ERICH6B: variants seen among roughly 807,000 people sequenced by gnomAD.
ERICH6B encodes glutamate rich 6B, also known as glutamate-rich protein 6B.
In ERICH6B, 69 loss-of-function variants were observed where a neutral mutation model predicts 80.0. The observed-to-expected ratio is 0.86, with a 90% CI of 0.71 to 1.05. The LOEUF (loss-of-function observed/expected upper bound fraction) is 1.05. Among genes scored for constraint, ERICH6B ranks in the 50% least tolerant of loss-of-function variants. The pLI is 0.00. For missense variants in ERICH6B, 754 were observed against 796.1 expected (o/e 0.95, Z 0.64); for synonymous variants, 283 against 291.9 (o/e 0.97, Z 0.31).
At chr13:45,583,753 C>T (rs1369940621) in intron 5 of ERICH6B, among the ~76,000 whole-genome samples, 13 of 152,212 alleles carry the variant, frequency 8.5e-5, no homozygotes, top group Non-Finnish European at 5.9e-5. Flanking sequence ...TCAGTTCTCT[C>T]TCTTGCCTGC....
At chr13:45,581,450 T>C (rs60486363) in intron 5 of ERICH6B, among the ~76,000 whole-genome samples, 26,846 of 152,118 alleles carry the variant, frequency 0.18, 4,545 homozygotes, top group African/African-American at 0.44. Flanking sequence ...GATCTCCGCT[T>C]ACTGCAACCT....
rs1309431174 is a variant in ERICH6B, at chr13:45,549,997, T to C, written c.1542A>G (p.Lys514=). The C allele has an allele frequency of 2.6e-6, 4 of 1,551,862 alleles. No individual in the cohort carries two copies. In the African/African-American group the frequency reaches 5.5e-5, roughly 21 times the overall value. ...CTTCCAGAATGATGTATGTGAACTT[T>C]TTCATTTTCGCATATAAGATGAGCA... The part of the protein sequence containing the change: ...LAMLILYAKM[K]KFTYIILEDS... The change falls in exon 13 of 15, where the codon AAA becomes AAG. Residue 514 remains lysine, a synonymous_variant. Coordinates refer to ENST00000298738, the MANE Select transcript of ERICH6B (RefSeq NM_182542.3).
rs1170361100 is a variant in ERICH6B at position 45,568,426 on chromosome 13, ACTGT to A, written c.1072_1075del (p.Thr358TyrfsTer5). 1 of 1,547,550 alleles carries A rather than the reference ACTGT, an allele frequency of 6.5e-7. No individual in the cohort carries two copies. The highest frequency in any genetic ancestry group is 1.4e-5 in the African/African-American group (1 of 72,842). ...CATTTCTTTGATTATTGTTTTAAAT[ACTGT>A]CTGATAGGAGCTGTTCAAAAACTAC... On this transcript the variant is annotated frameshift_variant, in exon 9 of 15. Transcript: ENST00000298738. LOFTEE classifies it high-confidence loss of function.
intron 7 of ERICH6B, among the ~76,000 whole-genome samples, chr13:45,577,024 T>G (rs1294678302): frequency 6.6e-6 from 1 of 152,082 alleles, no homozygotes; most frequent in African/African-American, 2.4e-5. Flanking sequence ...AGTCACTCCA[T>G]GAGAGGATGG....
intron 5 of ERICH6B, 63 bp from the exon 6 acceptor site, chr13:45,580,728 A>G: frequency 2.0e-6 from 3 of 1,486,814 alleles, no homozygotes; most frequent in Non-Finnish European, 2.8e-6. Flanking sequence ...CAGTGGGTTC[A>G]TACTGGGTAT....
chr13:45,595,277 G>A (rs1876315896), intron 3 of ERICH6B, among the ~76,000 whole-genome samples: 1 of 152,226 alleles, frequency 6.6e-6, no homozygotes, highest in Non-Finnish European at 1.5e-5. Flanking sequence ...GTCAGTAATA[G>A]GAGATTGATT....
At position 45,596,928 on chromosome 13, in the gene ERICH6B, G is replaced by T; in HGVS notation, c.78C>A (p.Asn26Lys). 1 of 1,551,786 alleles carries T rather than the reference G, an allele frequency of 6.4e-7. No individual in the cohort carries two copies. Among genetic ancestry groups the T allele is most frequent in the Admixed American group, 2.0e-5 (1 of 51,006 alleles). The change falls in exon 3 of 15, where the codon AAC becomes AAA. Residue 26 changes from asparagine (N) to lysine (K), a missense_variant. Physicochemically the swap from Asn to Lys is moderately conservative, Grantham distance 94. Transcript: ENST00000298738. ...CAGTATCCTCTTTCTCTGAAGGCAA[G>T]TTCTGTGTGGAATATTGGGGAGTTG... ...PPTTPQYSTQ[N>K]LPSEKEDTEV...
At chr13:45,612,633 C>T (rs1949906196) in intron 1 of ERICH6B, among the ~76,000 whole-genome samples, 1 of 152,158 alleles carries the variant, frequency 6.6e-6, no homozygotes, top group Non-Finnish European at 1.5e-5. Flanking sequence ...CCCCATGTGA[C>T]AGCCTTTTCT....
At chr13:45,570,363 T>A (rs1875102066) in intron 8 of ERICH6B, among the ~76,000 whole-genome samples, 1 of 152,174 alleles carries the variant, frequency 6.6e-6, no homozygotes, top group African/African-American at 2.4e-5. Context: ...TTTGGGAGGC[T>A]GAGGCGGGTG....
chr13:45,607,771 C>G (rs1949876797), intron 1 of ERICH6B, among the ~76,000 whole-genome samples, 156 bp from the exon 2 acceptor site: 1 of 152,132 alleles, frequency 6.6e-6, no homozygotes, highest in Admixed American at 6.5e-5. Context: ...TGGTCAGTAG[C>G]TTTCATTGAA....
chr13:45,615,693 GGCTCCCGC>G lies in ERICH6B; in HGVS notation c.-127_-120del, dbSNP rs1949924384. The stretch of plus-strand genomic sequence containing the variant: ...ACGTGCGCAGCCCTTACCCAAGCCA[GGCTCCCGC>G]GCGTGCATCCACCGCGATCTCAGGC... On this transcript the variant is annotated 5_prime_UTR_variant, in exon 1 of 15. An upstream open reading frame in the 5' UTR gains an earlier in-frame stop. Transcript: ENST00000298738. 6.6e-6 allele frequency: 1 copy of G among 152,326 alleles called. No homozygotes were observed. The highest frequency in any genetic ancestry group is 1.5e-5 in the Non-Finnish European group (1 of 68,132). The allele number at this position is 152,326 out of a possible 1,614,324, so 9.4% of individuals were successfully genotyped here.
At chr13:45,541,795 GA>G in intron 14 of ERICH6B, 115 bp from the exon 15 acceptor site, 1 of 910,044 alleles carries the variant, frequency 1.1e-6, no homozygotes, top group Non-Finnish European at 1.7e-6. Flanking sequence ...CTTCACTCGA[GA>G]AAGCACATCT....
chr13:45,548,536 G>T (rs922687630), intron 13 of ERICH6B, among the ~76,000 whole-genome samples: 3 of 152,182 alleles, frequency 2.0e-5, no homozygotes, highest in Admixed American at 1.3e-4. Context: ...GAGAGAGGGA[G>T]AGAGGCTGGC....
At chr13:45,577,600 T>C (rs1875474339) in intron 7 of ERICH6B, among the ~76,000 whole-genome samples, 1 of 152,086 alleles carries the variant, frequency 6.6e-6, no homozygotes, top group South Asian at 2.1e-4. Context: ...CTCTCCTCTA[T>C]CATTTTTCTT....
At chr13:45,551,065 G>A (rs193224119) in intron 11 of ERICH6B, among the ~76,000 whole-genome samples, 6 of 152,170 alleles carry the variant, frequency 3.9e-5, no homozygotes, top group East Asian at 1.9e-4. Context: ...CTAGAAAATT[G>A]TTCATTTTAG....
intron 11 of ERICH6B, chr13:45,553,021 C>G (rs573269287): frequency 4.2e-6 from 1 of 237,730 alleles, no homozygotes; most frequent in African/African-American, 2.3e-5. Flanking sequence ...TTTTAGTTCT[C>G]TTGTTGTGAA....
At chr13:45,598,655 T>C (rs1016970566) in intron 2 of ERICH6B, among the ~76,000 whole-genome samples, 5 of 152,102 alleles carry the variant, frequency 3.3e-5, no homozygotes, top group African/African-American at 7.2e-5. Flanking sequence ...CACATCACTG[T>C]TGGAGCCCTT....
At chr13:45,551,591 T>C (rs1227127938) in intron 11 of ERICH6B, 1 of 152,198 alleles carries the variant, frequency 6.6e-6, no homozygotes, top group Non-Finnish European at 1.5e-5. Context: ...TTCAGGGTGA[T>C]ATGGCTGTAG....
chr13:45,575,181 T>C (rs961216028), intron 7 of ERICH6B, among the ~76,000 whole-genome samples: 2 of 152,174 alleles, frequency 1.3e-5, no homozygotes, highest in Non-Finnish European at 2.9e-5. Flanking sequence ...ATGTTCCTGG[T>C]GGCTGGTGAG....
Sources: gnomAD v4.1 joint callset for allele counts (sites outside exome capture counted in the v4.1 genomes callset) on GRCh38, gnomAD v4.1.1 for gene constraint, MANE v1.5 for transcripts, NCBI Gene and HGNC (gene_info 2026-07-23, HGNC 2026-07-21) for gene names.